The following HIVEP2 variants were observed in gnomAD, a reference collection of about 807,000 sequenced individuals.
The protein encoded by HIVEP2 is transcription factor HIVEP2.
In HIVEP2, 14 loss-of-function variants were observed where a neutral mutation model predicts 180.7. The ratio of observed to expected loss-of-function variants is 0.08; its 90% CI spans 0.05 to 0.12. The LOEUF is 0.12. Ranked by LOEUF, HIVEP2 falls within the 10% of genes least tolerant of loss-of-function variation. The probability of loss-of-function intolerance (pLI) is 1.00; values close to 1 mark genes in which losing one functional copy is unlikely to be tolerated. For missense variants in HIVEP2, 2,579 were observed against 3,008.5 expected (o/e 0.86, Z 3.34); for synonymous variants, 1,184 against 1,136.4 (o/e 1.04, Z -0.84).
intron 9 of HIVEP2, 104 bp downstream of exon 9, chr6:142,759,668 C>G (rs1446465228): frequency 9.0e-6 from 8 of 886,498 alleles, no homozygotes; most frequent in Non-Finnish European, 1.1e-5. Context: ...TTCACTCCAC[C>G]CATGACAGAT....
intron 1 of HIVEP2, among the ~76,000 whole-genome samples, chr6:142,890,796 C>T (rs1011425911): frequency 4.6e-5 from 7 of 152,134 alleles, no homozygotes; most frequent in Admixed American, 3.3e-4. Flanking sequence ...TTGTATATTA[C>T]TACAGAAAAT....
At chr6:142,764,761 G>C (rs368426840) in intron 7 of HIVEP2, 38 bp downstream of exon 7, 1 of 1,496,422 alleles carries the variant, frequency 6.7e-7, no homozygotes, top group Non-Finnish European at 9.3e-7. Flanking sequence ...AGTAGCCATA[G>C]AGAAGTATTT....
chr6:142,839,359 T>C (rs112815277), intron 1 of HIVEP2, among the ~76,000 whole-genome samples: 2,812 of 152,152 alleles, frequency 0.018, 95 homozygotes, highest in African/African-American at 0.063. Context: ...TTGTTTGTAT[T>C]GCCTGCCTTA....
At chr6:142,904,360 G>T (rs537379407) in intron 1 of HIVEP2, among the ~76,000 whole-genome samples, 7 of 152,262 alleles carry the variant, frequency 4.6e-5, no homozygotes, top group African/African-American at 1.7e-4. Context: ...GAGTAAAAAG[G>T]TTACAGTGTC....
intron 6 of HIVEP2, among the ~76,000 whole-genome samples, chr6:142,767,220 G>A (rs1367640838): frequency 1.3e-5 from 2 of 152,194 alleles, no homozygotes; most frequent in African/African-American, 2.4e-5. Context: ...GGTTGATTCA[G>A]TCACAGGGAC....
chr6:142,813,154 T>G (rs1210279201), intron 2 of HIVEP2, among the ~76,000 whole-genome samples: 1 of 152,192 alleles, frequency 6.6e-6, no homozygotes. Context: ...ATATATACAC[T>G]GTTTATAAGA....
At chr6:142,785,623 C>T (rs907329239) in intron 2 of HIVEP2, among the ~76,000 whole-genome samples, 4 of 152,192 alleles carry the variant, frequency 2.6e-5, no homozygotes, top group Admixed American at 1.3e-4. Context: ...CACGTGAGTG[C>T]CCCCCAACAA....
chr6:142,880,155 T>C (rs1298467831), intron 1 of HIVEP2, among the ~76,000 whole-genome samples: 3 of 152,144 alleles, frequency 2.0e-5, no homozygotes, highest in African/African-American at 7.2e-5. Context: ...AGCAGGAATA[T>C]TTCCCAGGAT....
intron 1 of HIVEP2, among the ~76,000 whole-genome samples, chr6:142,908,846 C>T (rs1317066965): frequency 1.0e-4 from 13 of 127,762 alleles, no homozygotes; most frequent in South Asian, 7.9e-4. Flanking sequence ...CTGTAAGATA[C>T]CACCTCTCAA....
intron 1 of HIVEP2, among the ~76,000 whole-genome samples, chr6:142,933,305 CTT>C (rs910250619): frequency 7.9e-5 from 12 of 152,136 alleles, no homozygotes; most frequent in African/African-American, 2.9e-4. Flanking sequence ...TACTGTAAAA[CTT>C]TGAAATGAAA....
Position 142,760,594 on chromosome 6 carries a change from G to A in HIVEP2, c.5694C>T (p.Ser1898=), listed in dbSNP as rs373436281. The change falls in exon 9 of 10, where the codon TCC becomes TCT. Residue 1898 remains serine (S), a synonymous_variant. Transcript: ENST00000367603. ...CCTCACCATCTGATTCCTCAGCATC[G>A]GAGAACTGATGATCAGTTGAAATGC... is the stretch of plus-strand genomic sequence containing the variant. The part of the protein sequence containing the change: ...MSSISTDHQF[S]DAEESDGEDG... 5.6e-4 allele frequency: 911 copies of A among 1,612,858 alleles called. No individual in the cohort carries two copies. The highest frequency in any genetic ancestry group is 7.0e-4 in the Non-Finnish European group (824 of 1,178,976).
At chr6:142,801,269 A>G in intron 2 of HIVEP2, among the ~76,000 whole-genome samples, 1 of 151,448 alleles carries the variant, frequency 6.6e-6, no homozygotes, top group East Asian at 1.9e-4. Context: ...TGAAAAGAAC[A>G]CTAGATTAAG....
intron 1 of HIVEP2, among the ~76,000 whole-genome samples, chr6:142,890,942 C>T (rs973047710): frequency 2.0e-5 from 3 of 151,942 alleles, no homozygotes; most frequent in African/African-American, 2.4e-5. Flanking sequence ...TAGTCATTAC[C>T]GGTGGTGTAG....
chr6:142,784,981 G>C (rs1007919659), intron 2 of HIVEP2, among the ~76,000 whole-genome samples: 1 of 151,886 alleles, frequency 6.6e-6, no homozygotes, highest in African/African-American at 2.4e-5. Context: ...TCTGCCTCCC[G>C]GGTTCACGCC....
At chr6:142,836,694 C>T (rs560088630) in intron 2 of HIVEP2, among the ~76,000 whole-genome samples, 9 of 152,190 alleles carry the variant, frequency 5.9e-5, no homozygotes, top group Non-Finnish European at 1.0e-4. Flanking sequence ...ATAAAATAAT[C>T]TGGTTTCGAA....
In HIVEP2 at chr6:142,917,427, C is replaced by T. The variant is rs118191454; in HGVS notation, c.-641+27672G>A. ...AAGCAACAGGTATGAATGACATCCACGTGACACTACATGCGCTGCAAGTGG... is the reference window on the plus strand; with the variant it reads ...AAGCAACAGGTATGAATGACATCCATGTGACACTACATGCGCTGCAAGTGG... On this transcript the variant is annotated intron_variant, in intron 1 of 9. Transcript: ENST00000367603. Among the ~76,000 whole-genome samples, 235 of 152,328 alleles carry T rather than the reference C, an allele frequency of 1.5e-3. 2 individuals are homozygous for T. The highest frequency in any genetic ancestry group is 2.6e-3 in the Non-Finnish European group (178 of 68,032).
In HIVEP2 at chr6:142,816,400, T is replaced by C. The variant is rs560301939; in HGVS notation, c.-528+20535A>G. ...CTTATATTTCCTTAATTCATCTCTT[T>C]GTCTACTTCTCATGGTCACGAGCTC... On this transcript the variant is annotated intron_variant, in intron 2 of 9. Coordinates refer to ENST00000367603, the MANE Select transcript of HIVEP2 (RefSeq NM_006734.4). 5.9e-5 allele frequency among the ~76,000 whole-genome samples: 9 copies of C among 152,340 alleles called. No individual in the cohort carries two copies. The South Asian group carries it at 1.9e-3, about 32-fold the overall frequency.
chr6:142,848,865 T>C (rs1375551323), intron 1 of HIVEP2, among the ~76,000 whole-genome samples: 1 of 152,310 alleles, frequency 6.6e-6, no homozygotes, highest in East Asian at 1.9e-4. Flanking sequence ...AAGCACCAGT[T>C]CAACCCCAAG....
At chr6:142,891,010 G>A (rs911227556) in intron 1 of HIVEP2, among the ~76,000 whole-genome samples, 5 of 152,182 alleles carry the variant, frequency 3.3e-5, no homozygotes, top group African/African-American at 1.2e-4. Context: ...TATATGGCCT[G>A]TTCTCCTTAA....
Sources: gnomAD v4.1 joint callset for allele counts (sites outside exome capture counted in the v4.1 genomes callset) on GRCh38, gnomAD v4.1.1 for gene constraint, MANE v1.5 for transcripts, NCBI Gene and HGNC (gene_info 2026-07-23, HGNC 2026-07-21) for gene names.